CP: variants seen among roughly 807,000 people sequenced by gnomAD.
CP encodes ceruloplasmin.
A neutral mutation model predicts 122.4 loss-of-function variants in CP; 64 were observed. That is an observed-to-expected ratio of 0.52 (90% confidence interval 0.43 to 0.64). The LOEUF is 0.64. Ranked by LOEUF, CP falls within the 30% of genes least tolerant of loss-of-function variation. CP has a pLI of 0.00. For missense variants in CP, 1,167 were observed against 1,284.4 expected, an observed-to-expected ratio of 0.91 and a Z score of 1.40; for synonymous variants, 440 against 436.4, an observed-to-expected ratio of 1.01 and a Z score of -0.10.
chr3:149,186,207 C>A, intron 11 of CP: 2 of 400,798 alleles, frequency 5.0e-6, no homozygotes, highest in Non-Finnish European at 4.7e-6. Flanking sequence ...GAGTCATTCC[C>A]CTTCTAGTCT....
intron 17 of CP, 49 bp from the exon 18 acceptor site, chr3:149,176,461 C>T: frequency 7.2e-7 from 1 of 1,386,474 alleles, no homozygotes; most frequent in Non-Finnish European, 1.0e-6. Flanking sequence ...TATGAGAGTT[C>T]ACTCATGTCA....
At chr3:149,206,511 A>G (rs985934573) in intron 5 of CP, among the ~76,000 whole-genome samples, 172 bp from the exon 6 acceptor site, 30 of 152,256 alleles carry the variant, frequency 2.0e-4, no homozygotes, top group African/African-American at 7.0e-4. Context: ...GGAAAACTCA[A>G]GTTTAAAACA....
intron 6 of CP, 112 bp downstream of exon 6, chr3:149,206,056 G>A: frequency 1.1e-6 from 1 of 929,654 alleles, no homozygotes; most frequent in Non-Finnish European, 1.7e-6. Flanking sequence ...TAGCAGTCTA[G>A]TTACTCAATT....
Position 149,179,711 on chromosome 3 carries a change from TACACACAC to T in CP, c.2555-57_2555-50del, listed in dbSNP as rs71304221. ...ATCTGGTTGTATTTGGTTTATATTG[TACACACAC>T]ACACACACACACACACACACACACA... On this transcript the variant is annotated intron_variant, in intron 14 of 18. Coordinates refer to ENST00000264613, the MANE Select transcript of CP (RefSeq NM_000096.4). 1,505 of 608,870 alleles carry T rather than the reference TACACACAC, an allele frequency of 2.5e-3. 4 individuals are homozygous for T. Among genetic ancestry groups the T allele is most frequent in the African/African-American group, 0.016 (851 of 52,368 alleles). 37.7% of individuals were successfully genotyped at this position (608,870 alleles called of 1,614,324 possible).
At chr3:149,214,038 T>C (rs947066213) in intron 1 of CP, among the ~76,000 whole-genome samples, 38 of 152,202 alleles carry the variant, frequency 2.5e-4, no homozygotes, top group Admixed American at 6.5e-5. Flanking sequence ...ATCTGCATTA[T>C]TAACCAACAC....
chr3:149,209,898 G>C (rs993896094), intron 3 of CP, among the ~76,000 whole-genome samples: 2 of 152,148 alleles, frequency 1.3e-5, no homozygotes, highest in African/African-American at 4.8e-5. Context: ...CAGCACCACT[G>C]TTGGAAGTTA....
At chr3:149,206,360 G>A in intron 5 of CP, 21 bp from the exon 6 acceptor site, 2 of 1,613,406 alleles carry the variant, frequency 1.2e-6, no homozygotes, top group Non-Finnish European at 8.5e-7. Flanking sequence ...ACAGAAAGAG[G>A]CATTGATTAA....
At chr3:149,199,596 A>T in intron 8 of CP, 116 bp downstream of exon 8, 1 of 1,206,420 alleles carries the variant, frequency 8.3e-7, no homozygotes. Flanking sequence ...CCTAGAAATG[A>T]TATATGAGCG....
rs1243817232 is a variant in CP, at chr3:149,179,586, C to A, written c.2631G>T (p.Trp877Cys). The A allele has an allele frequency of 6.2e-7, 1 of 1,613,572 alleles. No homozygotes were observed. The highest frequency in any genetic ancestry group is 2.2e-5 in the East Asian group (1 of 44,860). ...AGTEDSACIPWAYYSTVDQVK... is the reference protein window; with the variant it reads ...AGTEDSACIPCAYYSTVDQVK... ...CTTGATCCACAGTTGAATAATAAGCCCATGGAATACAAGCAGAATCCTCTG... is the reference window on the plus strand; with the variant it reads ...CTTGATCCACAGTTGAATAATAAGCACATGGAATACAAGCAGAATCCTCTG... Residue 877 changes from tryptophan to cysteine, a missense_variant, in exon 15 of 19, where the codon TGG becomes TGT. By Grantham distance (215) the Trp-to-Cys change is radical. Transcript: ENST00000264613.
intron 11 of CP, 137 bp downstream of exon 11, chr3:149,186,383 G>C (rs571392083): frequency 1.3e-6 from 1 of 793,556 alleles, no homozygotes; most frequent in African/African-American, 1.7e-5. Context: ...GCCTAGACTT[G>C]CTCTTTCAAA....
At chr3:149,164,380 AGTTT>A (rs1231218462) in intron 5 of CP, among the ~76,000 whole-genome samples, 1 of 152,198 alleles carries the variant, frequency 6.6e-6, no homozygotes. Flanking sequence ...CAAAGTAGTT[AGTTT>A]ATCCAGCTCC....
At chr3:149,164,303 G>A (rs1164028478) in intron 5 of CP, among the ~76,000 whole-genome samples, 1 of 152,156 alleles carries the variant, frequency 6.6e-6, no homozygotes, top group Non-Finnish European at 1.5e-5. Context: ...TTTTGTTAGT[G>A]TTGACTTACA....
chr3:149,215,504 C>T (rs772254531), intron 1 of CP, among the ~76,000 whole-genome samples: 8 of 152,172 alleles, frequency 5.3e-5, no homozygotes, highest in Non-Finnish European at 1.2e-4. Context: ...AATATGCAAA[C>T]TGCTTTTTGC....
Position 149,179,593 on chromosome 3 carries a change from A to C in CP, c.2624T>G (p.Ile875Ser). The C allele has an allele frequency of 6.2e-7, 1 of 1,613,946 alleles. No homozygotes were observed. The highest frequency in any genetic ancestry group is 1.1e-5 in the South Asian group (1 of 91,076). The change falls in exon 15 of 19, where the codon ATT (isoleucine) becomes AGT (serine). Residue 875 changes from isoleucine (I) to serine (S), a missense_variant. Physicochemically the swap from Ile to Ser is moderately radical, Grantham distance 142. Around this residue, in one of 2 missense-constraint regions of CP, gnomAD observed 525 missense variants for 657.2 expected, o/e 0.80. Coordinates refer to ENST00000264613, the MANE Select transcript of CP (RefSeq NM_000096.4). ...SGAGTEDSAC[I>S]PWAYYSTVDQ... ...CACAGTTGAATAATAAGCCCATGGA[A>C]TACAAGCAGAATCCTCTGTTCCAGC...
intron 9 of CP, among the ~76,000 whole-genome samples, chr3:149,195,846 A>G (rs1726864778): frequency 6.6e-6 from 1 of 151,314 alleles, no homozygotes; most frequent in East Asian, 1.9e-4. Context: ...AGCCTGGTTG[A>G]CAGAGCGAGA....
chr3:149,176,647 A>G (rs893799610), intron 17 of CP: 7 of 483,094 alleles, frequency 1.4e-5, no homozygotes, highest in African/African-American at 9.8e-5. Context: ...TGAATTCATC[A>G]ATCAGGACTA....
chr3:149,181,983 C>CGGGGGGGGGGGG, intron 14 of CP, 22 bp downstream of exon 14: 1 of 547,184 alleles, frequency 1.8e-6, no homozygotes, highest in Non-Finnish European at 3.5e-6. Context: ...TGCACCACCC[C>CGGGGGGGGGGGG]CACCCCCGCC....
Position 149,210,333 on chromosome 3 carries a change from G to A in CP, c.441C>T (p.Asp147=). 1 of 1,614,046 alleles carries A rather than the reference G, an allele frequency of 6.2e-7. No individual in the cohort carries two copies. ...TATACTGCTCTCCTGGATATACTTT[G>A]TCATCTGCTCTTTGAAAATCTGTGG... ...DNTTDFQRAD[D]KVYPGEQYTY... is the part of the protein sequence containing the mutation. The change falls in exon 3 of 19, where the codon GAC becomes GAT. Residue 147 remains aspartate (D), a synonymous_variant. Transcript: ENST00000264613.
intron 1 of CP, among the ~76,000 whole-genome samples, chr3:149,218,268 T>G (rs1048976348): frequency 4.7e-4 from 71 of 152,340 alleles, no homozygotes; most frequent in African/African-American, 1.6e-3. Context: ...CTATTGTGTT[T>G]ACTAATTGTT....
Sources: gnomAD v4.1 joint callset for allele counts (sites outside exome capture counted in the v4.1 genomes callset) on GRCh38, gnomAD v4.1.1 for gene constraint, gnomAD v4.1.1 regional missense constraint, MANE v1.5 for transcripts, NCBI Gene and HGNC (gene_info 2026-07-23, HGNC 2026-07-21) for gene names.